Variants in ZFPM2 observed in about 807,000 individuals in gnomAD.
ZFPM2 encodes zinc finger protein, FOG family member 2.
In ZFPM2, 20 loss-of-function variants were observed where a neutral mutation model predicts 98.6. The observed-to-expected ratio is 0.20, with a 90% CI of 0.14 to 0.29. The LOEUF is 0.29. Ranked by LOEUF, ZFPM2 falls within the 10% of genes least tolerant of loss-of-function variation. ZFPM2 has a pLI of 1.00. For synonymous variants in ZFPM2, 518 were observed against 502.7 expected, an observed-to-expected ratio of 1.03 and a Z score of -0.41; for missense variants, 1,310 against 1,388.6, an observed-to-expected ratio of 0.94 and a Z score of 0.90.
chr8:105,746,926 C>T (rs1388535223), intron 5 of ZFPM2, among the ~76,000 whole-genome samples: 5 of 151,882 alleles, frequency 3.3e-5, no homozygotes, highest in South Asian at 2.1e-4. Flanking sequence ...GTTTACTAAA[C>T]GATGTTAATT....
chr8:105,714,355 G>A (rs1586215053), intron 5 of ZFPM2, among the ~76,000 whole-genome samples: 1 of 151,862 alleles, frequency 6.6e-6, no homozygotes, highest in African/African-American at 2.4e-5. Flanking sequence ...TCAGATGTAG[G>A]AACCTTTTGG....
chr8:105,564,494 C>T (rs1445007681), intron 4 of ZFPM2, among the ~76,000 whole-genome samples: 2 of 151,986 alleles, frequency 1.3e-5, no homozygotes, highest in African/African-American at 4.8e-5. Flanking sequence ...ATTCCTACTA[C>T]TGTTACTACT....
intron 4 of ZFPM2, among the ~76,000 whole-genome samples, chr8:105,623,088 G>A (rs996772447): frequency 3.9e-5 from 6 of 152,104 alleles, no homozygotes; most frequent in Non-Finnish European, 5.9e-5. Context: ...TTACTAAAAT[G>A]TCTCACAGAT....
chr8:105,795,608 T>TAA (rs200499086), intron 6 of ZFPM2: 25 of 170,840 alleles, frequency 1.5e-4, no homozygotes, highest in East Asian at 3.5e-4. Flanking sequence ...GCAAAAAGGT[T>TAA]AAAAAAAAAA....
At chr8:105,324,357 G>A (rs1812079598) in intron 1 of ZFPM2, among the ~76,000 whole-genome samples, 1 of 151,796 alleles carries the variant, frequency 6.6e-6, no homozygotes, top group Non-Finnish European at 1.5e-5. Context: ...TTGCATTACA[G>A]TTAAGGTAAC....
At chr8:105,465,481 ATTATT>A in intron 3 of ZFPM2, among the ~76,000 whole-genome samples, 1 of 152,070 alleles carries the variant, frequency 6.6e-6, no homozygotes, top group South Asian at 2.1e-4. Context: ...GAAATTGTTT[ATTATT>A]TTATATCACA....
chr8:105,691,356 C>A lies in ZFPM2; in HGVS notation c.532+56999C>A, dbSNP rs1367497863. ...CTCCGCTTCCCGGGTTCACGCCATT[C>A]TCCTGCCTCAGCCTCCCGAGTAGCC... On this transcript the variant is annotated intron_variant, in intron 5 of 7. Coordinates refer to ENST00000407775, the MANE Select transcript of ZFPM2 (RefSeq NM_012082.4). Among the ~76,000 whole-genome samples, 12 of 138,702 alleles carry A rather than the reference C, an allele frequency of 8.7e-5. 1 individual carries two copies. Among genetic ancestry groups the A allele is most frequent in the African/African-American group, 3.4e-4 (12 of 35,724 alleles). 91.0% of individuals were successfully genotyped at this position (138,702 alleles called of 152,430 possible). A position where few individuals can be genotyped will look rare whatever the true frequency, so the allele number is the denominator to read the frequency against.
At chr8:105,483,174 T>C (rs1385184093) in intron 3 of ZFPM2, among the ~76,000 whole-genome samples, 1 of 152,018 alleles carries the variant, frequency 6.6e-6, no homozygotes, top group Non-Finnish European at 1.5e-5. Flanking sequence ...TGTAATTTCT[T>C]GAAATAAATT....
At chr8:105,513,952 G>A (rs1165013781) in intron 3 of ZFPM2, among the ~76,000 whole-genome samples, 4 of 151,250 alleles carry the variant, frequency 2.6e-5, no homozygotes, top group Non-Finnish European at 4.4e-5. Flanking sequence ...TTGAAAACGT[G>A]GATTTTTGGA....
chr8:105,337,484 CTT>C (rs1812350705), intron 1 of ZFPM2, among the ~76,000 whole-genome samples: 1 of 151,706 alleles, frequency 6.6e-6, no homozygotes, highest in Non-Finnish European at 1.5e-5. Flanking sequence ...TTTCAAAATT[CTT>C]TGCCTTTCTC....
intron 5 of ZFPM2, among the ~76,000 whole-genome samples, chr8:105,724,218 T>G (rs1424177459): frequency 6.6e-6 from 1 of 151,914 alleles, no homozygotes; most frequent in Non-Finnish European, 1.5e-5. Context: ...GTGCAAGATT[T>G]CTATGCCTGC....
intron 5 of ZFPM2, among the ~76,000 whole-genome samples, chr8:105,784,340 G>C (rs1477569219): frequency 7.8e-6 from 1 of 128,364 alleles, no homozygotes; most frequent in East Asian, 1.9e-4. Flanking sequence ...CACAATAGTT[G>C]GTGATCCATA....
intron 1 of ZFPM2, among the ~76,000 whole-genome samples, chr8:105,404,021 AC>A (rs1811392102): frequency 6.6e-6 from 1 of 151,576 alleles, no homozygotes; most frequent in Non-Finnish European, 1.5e-5. Flanking sequence ...AACAACAACA[AC>A]AACAACAACA....
intron 4 of ZFPM2, among the ~76,000 whole-genome samples, chr8:105,568,275 C>T (rs1330094408): frequency 6.6e-6 from 1 of 152,100 alleles, no homozygotes; most frequent in Non-Finnish European, 1.5e-5. Context: ...TTATTCCTGT[C>T]TCCACAGACA....
chr8:105,441,159 C>G (rs958787130), intron 2 of ZFPM2, among the ~76,000 whole-genome samples: 5 of 151,282 alleles, frequency 3.3e-5, no homozygotes, highest in African/African-American at 9.8e-5. Flanking sequence ...CATCTCAAAA[C>G]AAAAACAAAC....
intron 3 of ZFPM2, among the ~76,000 whole-genome samples, chr8:105,521,192 C>T (rs1407789889): frequency 6.6e-6 from 1 of 151,830 alleles, no homozygotes; most frequent in Non-Finnish European, 1.5e-5. Flanking sequence ...CACCTCCCCC[C>T]CATACACACA....
intron 3 of ZFPM2, among the ~76,000 whole-genome samples, chr8:105,487,939 TAG>T (rs3043391): frequency 4.4e-4 from 28 of 63,746 alleles, no homozygotes; most frequent in Non-Finnish European, 8.5e-4. Context: ...TCTAGCTAGC[TAG>T]CTAGCTAGCT....
chr8:105,783,781 C>T (rs1267772741), intron 5 of ZFPM2, among the ~76,000 whole-genome samples: 2 of 132,386 alleles, frequency 1.5e-5, no homozygotes, highest in Non-Finnish European at 3.4e-5. Flanking sequence ...ATCCATTCCT[C>T]TATCAATGGA....
At chr8:105,797,472 TGTCA>T (rs1436140058) in intron 6 of ZFPM2, among the ~76,000 whole-genome samples, 1 of 152,222 alleles carries the variant, frequency 6.6e-6, no homozygotes, top group African/African-American at 2.4e-5. Context: ...TATCTGATTA[TGTCA>T]GTGTCTTGCT....
Sources: gnomAD v4.1 joint callset for allele counts (sites outside exome capture counted in the v4.1 genomes callset) on GRCh38, gnomAD v4.1.1 for gene constraint, MANE v1.5 for transcripts, NCBI Gene and HGNC (gene_info 2026-07-23, HGNC 2026-07-21) for gene names.